Variants in EFNA5 observed in about 807,000 individuals in gnomAD.
The protein encoded by EFNA5 is ephrin-A5.
A neutral mutation model predicts 22.9 loss-of-function variants in EFNA5; 5 were observed. The ratio of observed to expected loss-of-function variants is 0.22; its 90% CI spans 0.11 to 0.46. EFNA5 has a LOEUF of 0.46. Among genes scored for constraint, EFNA5 ranks in the 20% least tolerant of loss-of-function variants. The probability of loss-of-function intolerance (pLI) is 0.99; values close to 1 mark genes in which losing one functional copy is unlikely to be tolerated. For synonymous variants in EFNA5, 113 were observed against 112.2 expected, an observed-to-expected ratio of 1.01 and a Z score of -0.04; for missense variants, 237 against 293.3, an observed-to-expected ratio of 0.81 and a Z score of 1.40.
rs551105965 is a variant in EFNA5 at position 107,551,621 on chromosome 5, T to A, written c.125+118868A>T. ...GGATCCATACAAGAATTTTTTCTGA[T>A]CTACTTTAGCAACTCCCTGCCGATC... On this transcript the variant is annotated intron_variant, in intron 1 of 4. Transcript: ENST00000333274. Among the ~76,000 whole-genome samples, 28 of 152,220 alleles carry A rather than the reference T, an allele frequency of 1.8e-4. No homozygotes were observed. In the South Asian group the frequency reaches 5.6e-3, roughly 30 times the overall value.
At chr5:107,578,098 T>C (rs916334289) in intron 1 of EFNA5, among the ~76,000 whole-genome samples, 4 of 152,206 alleles carry the variant, frequency 2.6e-5, no homozygotes, top group African/African-American at 9.7e-5. Flanking sequence ...GACAATCAAA[T>C]TGGCACCTTT....
intron 1 of EFNA5, among the ~76,000 whole-genome samples, chr5:107,669,457 T>C (rs1383130716): frequency 1.3e-5 from 2 of 151,922 alleles, no homozygotes; most frequent in Non-Finnish European, 2.9e-5. Flanking sequence ...GGCCGACTTC[T>C]GTGCACAGGC....
chr5:107,539,117 T>C (rs1227422440), intron 1 of EFNA5, among the ~76,000 whole-genome samples: 3 of 152,248 alleles, frequency 2.0e-5, no homozygotes, highest in Admixed American at 6.5e-5. Flanking sequence ...GGGAGCTGCC[T>C]GGAAACACTG....
intron 1 of EFNA5, among the ~76,000 whole-genome samples, chr5:107,436,684 T>A (rs905879608): frequency 6.6e-6 from 1 of 151,972 alleles, no homozygotes. Context: ...ACCTGCCACA[T>A]ACACACAGAC....
At chr5:107,476,046 C>CTATATATATATATATATATATGTA in intron 1 of EFNA5, among the ~76,000 whole-genome samples, 49 of 30,972 alleles carry the variant, frequency 1.6e-3, no homozygotes, top group African/African-American at 2.4e-3. Flanking sequence ...AGTTTTTAAA[C>CTATATATATATATATATATATGTA]TATATATATA....
chr5:107,548,054 A>G (rs1340860332), intron 1 of EFNA5, among the ~76,000 whole-genome samples: 5 of 152,234 alleles, frequency 3.3e-5, no homozygotes, highest in Non-Finnish European at 5.9e-5. Flanking sequence ...AACTACCTTT[A>G]GAAAGATTCT....
intron 1 of EFNA5, among the ~76,000 whole-genome samples, chr5:107,458,780 T>C (rs1016955054): frequency 1.3e-4 from 20 of 152,284 alleles, no homozygotes; most frequent in African/African-American, 4.3e-4. Context: ...ATCACTTCAG[T>C]GGTTTTTAAG....
chr5:107,657,840 A>G (rs1333648134), intron 1 of EFNA5, among the ~76,000 whole-genome samples: 1 of 151,382 alleles, frequency 6.6e-6, no homozygotes. Flanking sequence ...GTATTTATAT[A>G]CACAGAGTGA....
chr5:107,501,009 AT>A (rs1747121039), intron 1 of EFNA5, among the ~76,000 whole-genome samples: 1 of 152,160 alleles, frequency 6.6e-6, no homozygotes, highest in Admixed American at 6.5e-5. Flanking sequence ...AACTCTTACT[AT>A]TTATTCATAC....
chr5:107,604,015 G>C (rs1040059070), intron 1 of EFNA5, among the ~76,000 whole-genome samples: 1 of 152,032 alleles, frequency 6.6e-6, no homozygotes, highest in African/African-American at 2.4e-5. Context: ...ATTTTGTAAG[G>C]ACTAATTCAG....
intron 1 of EFNA5, among the ~76,000 whole-genome samples, chr5:107,530,399 G>T (rs541918558): frequency 6.6e-6 from 1 of 152,270 alleles, no homozygotes; most frequent in East Asian, 1.9e-4. Flanking sequence ...TCAAGTGGGT[G>T]GGGGAGTGTA....
chr5:107,491,653 C>A lies in EFNA5; in HGVS notation c.126-64144G>T, dbSNP rs188801958. On this transcript the variant is annotated intron_variant, in intron 1 of 4. Transcript: ENST00000333274. ...TGGTGACTGGAATAAGGGAAGTCTG[C>A]AATTTTTATGACTTTATATGTGTAT... 1.1e-4 allele frequency among the ~76,000 whole-genome samples: 16 copies of A among 152,182 alleles called. No individual in the cohort carries two copies. In the East Asian group the frequency reaches 3.1e-3, roughly 30 times the overall value.
At chr5:107,481,691 A>G (rs1228565781) in intron 1 of EFNA5, among the ~76,000 whole-genome samples, 1 of 152,036 alleles carries the variant, frequency 6.6e-6, no homozygotes. Context: ...TCTGCTAAAG[A>G]TAACACAAAT....
At chr5:107,607,383 T>C (rs1365739239) in intron 1 of EFNA5, among the ~76,000 whole-genome samples, 1 of 152,226 alleles carries the variant, frequency 6.6e-6, no homozygotes, top group Non-Finnish European at 1.5e-5. Context: ...CTTTTCCTTC[T>C]TCAAACATTT....
intron 1 of EFNA5, among the ~76,000 whole-genome samples, chr5:107,437,021 G>A (rs1749127987): frequency 6.6e-6 from 1 of 152,176 alleles, no homozygotes; most frequent in South Asian, 2.1e-4. Flanking sequence ...AGTACTTGGT[G>A]TGCAAAGAGT....
chr5:107,517,201 C>T (rs981970429), intron 1 of EFNA5, among the ~76,000 whole-genome samples: 25 of 151,562 alleles, frequency 1.6e-4, no homozygotes, highest in Non-Finnish European at 2.9e-4. Flanking sequence ...TTTATAAAAG[C>T]TTACAGGTTA....
chr5:107,584,760 T>C (rs1240995355), intron 1 of EFNA5, among the ~76,000 whole-genome samples: 2 of 152,162 alleles, frequency 1.3e-5, no homozygotes, highest in African/African-American at 2.4e-5. Context: ...TTCTAGTATA[T>C]AGTAGGCACT....
At chr5:107,437,078 T>C (rs1211224899) in intron 1 of EFNA5, among the ~76,000 whole-genome samples, 1 of 152,200 alleles carries the variant, frequency 6.6e-6, no homozygotes, top group Non-Finnish European at 1.5e-5. Context: ...ACTGGAATCA[T>C]TACAATCTAA....
chr5:107,641,439 T>C (rs1449282888), intron 1 of EFNA5, among the ~76,000 whole-genome samples: 2 of 152,078 alleles, frequency 1.3e-5, no homozygotes, highest in African/African-American at 2.4e-5. Flanking sequence ...TGAGTAATCA[T>C]CAATTTCCAG....
Sources: gnomAD v4.1 joint callset for allele counts (sites outside exome capture counted in the v4.1 genomes callset) on GRCh38, gnomAD v4.1.1 for gene constraint, MANE v1.5 for transcripts, NCBI Gene and HGNC (gene_info 2026-07-23, HGNC 2026-07-21) for gene names.